The following PDE1A variants were observed in gnomAD, a reference collection of about 807,000 sequenced individuals.
PDE1A encodes dual specificity calcium/calmodulin-dependent 3',5'-cyclic nucleotide phosphodiesterase 1A.
Under a neutral mutation model 61.7 loss-of-function variants are expected in PDE1A, and 35 were observed. That is an observed-to-expected ratio of 0.57 (90% confidence interval 0.43 to 0.75). The LOEUF is 0.75. PDE1A is among the 30% of genes least tolerant of loss of function. The pLI, the probability that PDE1A is intolerant of heterozygous loss-of-function variation, is 0.00. For synonymous variants in PDE1A, 232 were observed against 213.2 expected, an observed-to-expected ratio of 1.09 and a Z score of -0.77; for missense variants, 597 against 630.6, an observed-to-expected ratio of 0.95 and a Z score of 0.57.
At chr2:182,422,568 T>C (rs993507364) in intron 1 of PDE1A, among the ~76,000 whole-genome samples, 1 of 152,170 alleles carries the variant, frequency 6.6e-6, no homozygotes, top group Non-Finnish European at 1.5e-5. Context: ...CACAAGGGAA[T>C]ATAGAAAGTT....
the PDE1A span, among the ~76,000 whole-genome samples, chr2:182,553,213 C>T: frequency 6.6e-6 from 1 of 152,180 alleles, no homozygotes; most frequent in African/African-American, 2.4e-5. Context: ...TCAGAGAACA[C>T]GAGGCTTGCC....
the PDE1A span, among the ~76,000 whole-genome samples, chr2:182,566,576 T>C: frequency 1.3e-5 from 2 of 151,178 alleles, no homozygotes; most frequent in South Asian, 4.1e-4. Context: ...TTTAAATATT[T>C]CTTTCTAGTT....
chr2:182,294,986 C>G (rs528078238), intron 1 of PDE1A, among the ~76,000 whole-genome samples: 166 of 148,502 alleles, frequency 1.1e-3, no homozygotes, highest in Middle Eastern at 3.5e-3. Flanking sequence ...TTTTCCGCAG[C>G]TAATTTTAGG....
At chr2:182,395,530 C>T (rs1356075811) in intron 1 of PDE1A, among the ~76,000 whole-genome samples, 2 of 152,172 alleles carry the variant, frequency 1.3e-5, no homozygotes, top group Non-Finnish European at 2.9e-5. Context: ...AGATAAGTTG[C>T]TGCATTTGGC....
intron 1 of PDE1A, among the ~76,000 whole-genome samples, chr2:182,385,674 GAA>G (rs1163454045): frequency 3.5e-5 from 4 of 115,290 alleles, no homozygotes; most frequent in Admixed American, 8.9e-5. Context: ...AAAAAAGAAA[GAA>G]AAGAAAGAAA....
chr2:182,667,202 C>T, the PDE1A span, among the ~76,000 whole-genome samples: 3 of 152,198 alleles, frequency 2.0e-5, no homozygotes, highest in Non-Finnish European at 2.9e-5. Flanking sequence ...GTAGGCTGCT[C>T]ATCATTTTCA....
chr2:182,665,183 G>T, the PDE1A span, among the ~76,000 whole-genome samples: 1 of 151,936 alleles, frequency 6.6e-6, no homozygotes, highest in Non-Finnish European at 1.5e-5. Flanking sequence ...AAGTTTTCTT[G>T]TCATAAAAAA....
rs1689628749 is a variant in PDE1A, at chr2:182,509,233, A to T, written c.101+13043T>A. Among the ~76,000 whole-genome samples, 4 of 152,196 alleles carry T rather than the reference A, an allele frequency of 2.6e-5. No homozygotes were observed. In the South Asian group the frequency reaches 8.3e-4, roughly 32 times the overall value. ...AGGTAAAAGAGTTTAGAAAACATCA[A>T]ATTCTCTTGTAGCTATTAGCTAGAA... On this transcript the variant is annotated intron_variant, in intron 2 of 14. Transcript: ENST00000410103.
At chr2:182,202,429 T>C (rs980972155) in intron 8 of PDE1A, among the ~76,000 whole-genome samples, 3 of 152,186 alleles carry the variant, frequency 2.0e-5, no homozygotes, top group Non-Finnish European at 4.4e-5. Flanking sequence ...GATAATAAAA[T>C]ACTTTAGCAA....
chr2:182,405,201 G>A (rs1360721504), intron 1 of PDE1A, among the ~76,000 whole-genome samples: 6 of 152,216 alleles, frequency 3.9e-5, no homozygotes, highest in African/African-American at 7.2e-5. Flanking sequence ...GCACATGACC[G>A]TACATATATG....
chr2:182,589,690 A>C, the PDE1A span, among the ~76,000 whole-genome samples: 1 of 152,196 alleles, frequency 6.6e-6, no homozygotes, highest in Admixed American at 6.5e-5. Context: ...GTATCTATCT[A>C]AATCTCACTG....
intron 10 of PDE1A, among the ~76,000 whole-genome samples, chr2:182,200,802 C>T (rs551166608): frequency 2.0e-5 from 3 of 152,112 alleles, no homozygotes; most frequent in Non-Finnish European, 4.4e-5. Context: ...GAAGACTGAG[C>T]CCTTAATTTG....
the PDE1A span, among the ~76,000 whole-genome samples, chr2:182,627,142 A>AATATAT: frequency 3.5e-5 from 1 of 28,642 alleles, no homozygotes. Flanking sequence ...ATAAAATATA[A>AATATAT]ATATTATTTA....
chr2:182,647,269 C>G, the PDE1A span, among the ~76,000 whole-genome samples: 133 of 152,290 alleles, frequency 8.7e-4, no homozygotes, highest in African/African-American at 3.1e-3. Context: ...TAGGGTGATG[C>G]TTGCACAGAT....
At chr2:182,456,537 C>T (rs2125743619) in intron 2 of PDE1A, among the ~76,000 whole-genome samples, 1 of 152,116 alleles carries the variant, frequency 6.6e-6, no homozygotes, top group Admixed American at 6.6e-5. Context: ...TCTATATTAG[C>T]ATTCAGGCAT....
At chr2:182,491,405 G>T (rs1480723879) in intron 2 of PDE1A, among the ~76,000 whole-genome samples, 2 of 152,136 alleles carry the variant, frequency 1.3e-5, no homozygotes, top group Admixed American at 1.3e-4. Context: ...TGGGCACATG[G>T]GAGGAGCAGA....
At chr2:182,365,270 A>T (rs931806487) in intron 1 of PDE1A, among the ~76,000 whole-genome samples, 2 of 152,016 alleles carry the variant, frequency 1.3e-5, no homozygotes, top group Non-Finnish European at 2.9e-5. Flanking sequence ...CATCTTGCAC[A>T]TAAGTCACGG....
chr2:182,236,663 T>A (rs2125672015), intron 3 of PDE1A, among the ~76,000 whole-genome samples: 1 of 152,294 alleles, frequency 6.6e-6, no homozygotes, highest in Non-Finnish European at 1.5e-5. Context: ...TGATTCTCAG[T>A]ACAAGTAAGC....
chr2:182,430,229 G>C (rs1443345691), upstream of PDE1A, among the ~76,000 whole-genome samples: 1 of 145,810 alleles, frequency 6.9e-6, no homozygotes, highest in Non-Finnish European at 1.5e-5. Flanking sequence ...CTAATATCCA[G>C]AATCTACAAT....
Sources: allele counts gnomAD v4.1 joint callset (sites outside exome capture counted in the v4.1 genomes callset), GRCh38; gene constraint gnomAD v4.1.1; transcripts MANE v1.5; gene names NCBI Gene and HGNC (gene_info 2026-07-23, HGNC 2026-07-21).